CAPRIN2: variants seen among roughly 807,000 people sequenced by gnomAD.
The protein encoded by CAPRIN2 is caprin family member 2, also known as caprin-2.
Under a neutral mutation model 130.4 loss-of-function variants are expected in CAPRIN2, and 66 were observed. The observed-to-expected ratio is 0.51, with a 90% CI of 0.42 to 0.62. CAPRIN2 has a LOEUF of 0.62. CAPRIN2 is among the 20% of genes least tolerant of loss of function. The pLI is 0.00. For synonymous variants in CAPRIN2, 471 were observed against 444.1 expected (o/e 1.06, Z -0.76); for missense variants, 1,185 against 1,246.6 (o/e 0.95, Z 0.74).
At chr12:30,750,969 C>T in intron 2 of CAPRIN2, 102 bp downstream of exon 3, 1 of 815,268 alleles carries the variant, frequency 1.2e-6, no homozygotes, top group Non-Finnish European at 2.1e-6. Flanking sequence ...TGGATTTTAA[C>T]TGTGTGTGTG....
At chr12:30,728,204 T>A (rs2061491477) in intron 8 of CAPRIN2, among the ~76,000 whole-genome samples, 1 of 152,148 alleles carries the variant, frequency 6.6e-6, no homozygotes, top group Non-Finnish European at 1.5e-5. Context: ...GGGAAAACAA[T>A]AAATCTACCC....
intron 13 of CAPRIN2, 65 bp downstream of exon 15, chr12:30,716,443 G>A (rs925681446): frequency 3.0e-5 from 43 of 1,428,894 alleles, no homozygotes; most frequent in Non-Finnish European, 3.7e-5. Flanking sequence ...AGACTTCCTA[G>A]ACTTGCTGTC....
intron 8 of CAPRIN2, among the ~76,000 whole-genome samples, chr12:30,727,642 C>T (rs376739882): frequency 1.3e-5 from 2 of 152,154 alleles, no homozygotes; most frequent in African/African-American, 4.8e-5. Flanking sequence ...TAGCACTGTA[C>T]CCAAGAATTA....
chr12:30,713,531 G>A (rs2056144906), intron 15 of CAPRIN2, among the ~76,000 whole-genome samples: 3 of 152,150 alleles, frequency 2.0e-5, no homozygotes, highest in Non-Finnish European at 2.9e-5. Flanking sequence ...AAGAGCAAAT[G>A]AGTTAATGCA....
chr12:30,730,262 G>T (rs776161381), exon 7 of CAPRIN2: 13 of 1,611,226 alleles, frequency 8.1e-6, no homozygotes, highest in Non-Finnish European at 1.1e-5. Context: ...ATCTCTGGCT[G>T]GGCAAATTCC....
At chr12:30,747,418 CTG>C (rs1238613702) in intron 2 of CAPRIN2, among the ~76,000 whole-genome samples, 3 of 152,156 alleles carry the variant, frequency 2.0e-5, no homozygotes, top group Non-Finnish European at 2.9e-5. Flanking sequence ...TGGCTCACAC[CTG>C]TAATCCCAGC....
At chr12:30,737,143 C>T (rs2065205302) in intron 3 of CAPRIN2, among the ~76,000 whole-genome samples, 1 of 151,820 alleles carries the variant, frequency 6.6e-6, no homozygotes, top group Non-Finnish European at 1.5e-5. Context: ...TAGCTGGAAC[C>T]ACAGGTACAT....
At chr12:30,729,055 T>G (rs751081932) in exon 8 of CAPRIN2, 44 of 1,614,152 alleles carry the variant, frequency 2.7e-5, no homozygotes, top group Middle Eastern at 1.6e-4. Context: ...ATCTCCTGCT[T>G]CTTCTGCTCT....
In CAPRIN2 at chr12:30,725,931, T is replaced by A. The variant is rs369143100; in HGVS notation, c.1905+35A>T. Reference sequence around the variant, plus strand: ...GTAATGTTTCCAGTCAGAAGCCCCATGAATATCATTTAAGATTTTGTAAAT... The same window carrying A: ...GTAATGTTTCCAGTCAGAAGCCCCAAGAATATCATTTAAGATTTTGTAAAT... On this transcript the variant is annotated intron_variant, in intron 9 of 16. Coordinates refer to ENST00000298892, the Ensembl canonical transcript of CAPRIN2. The A allele has an allele frequency of 4.6e-5, 68 of 1,488,182 alleles. No homozygotes were observed. In the Middle Eastern group the frequency reaches 9.8e-4, roughly 21 times the overall value. The allele number at this position is 1,488,182 out of a possible 1,614,324, so 92.2% of individuals were successfully genotyped here.
chr12:30,739,487 A>C (rs778641761), intron 3 of CAPRIN2, among the ~76,000 whole-genome samples: 1 of 152,208 alleles, frequency 6.6e-6, no homozygotes, highest in Non-Finnish European at 1.5e-5. Flanking sequence ...AATAATCTAT[A>C]CAACAAATCC....
At chr12:30,726,599 G>T (rs2061002735) in intron 8 of CAPRIN2, among the ~76,000 whole-genome samples, 1 of 152,096 alleles carries the variant, frequency 6.6e-6, no homozygotes, top group South Asian at 2.1e-4. Flanking sequence ...ACTCTTGGGG[G>T]CTACTGATAT....
intron 1 of CAPRIN2, 143 bp downstream of exon 2, chr12:30,753,201 A>G (rs2074834175): frequency 3.1e-6 from 2 of 643,318 alleles, no homozygotes; most frequent in Middle Eastern, 4.4e-4. Context: ...AATATTTCCA[A>G]CACGTAACCT....
At chr12:30,732,871 C>T (rs2063208358) in intron 5 of CAPRIN2, among the ~76,000 whole-genome samples, 1 of 152,080 alleles carries the variant, frequency 6.6e-6, no homozygotes, top group Admixed American at 6.6e-5. Flanking sequence ...AGACTAATTG[C>T]TTAGCGTTAT....
chr12:30,734,709 C>A (rs550027937), intron 4 of CAPRIN2, among the ~76,000 whole-genome samples: 3 of 152,164 alleles, frequency 2.0e-5, no homozygotes, highest in African/African-American at 4.8e-5. Flanking sequence ...ATCAGTATTA[C>A]AATAAAGAAG....
At chr12:30,714,694 A>T (rs1023169755) in intron 14 of CAPRIN2, among the ~76,000 whole-genome samples, 29 of 152,270 alleles carry the variant, frequency 1.9e-4, no homozygotes, top group African/African-American at 7.0e-4. Flanking sequence ...AACATTACTC[A>T]AATATGAAAA....
intron 11 of CAPRIN2, among the ~76,000 whole-genome samples, chr12:30,721,298 G>A (rs538244147): frequency 6.6e-6 from 1 of 152,270 alleles, no homozygotes; most frequent in South Asian, 2.1e-4. Context: ...GCATTCACGG[G>A]AAGGTGAGCT....
At chr12:30,751,207 T>C (rs1592344202) in intron 1 of CAPRIN2, 74 bp from the exon 3 acceptor site, 1 of 1,190,182 alleles carries the variant, frequency 8.4e-7, no homozygotes, top group Non-Finnish European at 1.3e-6. Context: ...TGCCAGATCT[T>C]GTCTCTAGGA....
rs550591017 is a variant in CAPRIN2, at chr12:30,724,495, C to A, written c.1906-44G>T. ...ATAAAGAGTGGAAACAGAGATTACTCATTTAAAAGCTATTACCATTGAATT... is the reference window on the plus strand; with the variant it reads ...ATAAAGAGTGGAAACAGAGATTACTAATTTAAAAGCTATTACCATTGAATT... On this transcript the variant is annotated intron_variant, in intron 9 of 16. Transcript: ENST00000298892. 4.6e-5 allele frequency: 58 copies of A among 1,262,352 alleles called. 2 individuals are homozygous for A. In the South Asian group the frequency reaches 6.6e-4, roughly 14 times the overall value. The allele number at this position is 1,262,352 out of a possible 1,614,324, so 78.2% of individuals were successfully genotyped here. A position where few individuals can be genotyped will look rare whatever the true frequency, so the allele number is the denominator to read the frequency against.
At chr12:30,735,111 A>G in exon 4 of CAPRIN2, 1 of 1,614,060 alleles carries the variant, frequency 6.2e-7, no homozygotes, top group South Asian at 1.1e-5. Flanking sequence ...TCTGCAATAC[A>G]TACTGAACTT....
Sources: allele counts gnomAD v4.1 joint callset (sites outside exome capture counted in the v4.1 genomes callset), GRCh38; gene constraint gnomAD v4.1.1; transcripts MANE v1.5; gene names NCBI Gene and HGNC (gene_info 2026-07-23, HGNC 2026-07-21).